MAD1L1: variants seen among roughly 807,000 people sequenced by gnomAD.
MAD1L1 encodes the protein mitotic arrest deficient 1 like 1, also known as mitotic spindle assembly checkpoint protein MAD1.
Under a neutral mutation model 96.9 loss-of-function variants are expected in MAD1L1, and 95 were observed. The ratio of observed to expected loss-of-function variants is 0.98; its 90% CI spans 0.83 to 1.16. MAD1L1 has a LOEUF of 1.16. Among genes scored for constraint, MAD1L1 ranks in the 50% most tolerant of loss-of-function variants. The probability of loss-of-function intolerance (pLI) is 0.00; values close to 1 mark genes in which losing one functional copy is unlikely to be tolerated. For missense variants in MAD1L1, 1,007 were observed against 954.4 expected (o/e 1.06, Z -0.73); for synonymous variants, 473 against 396.6 (o/e 1.19, Z -2.29).
At chr7:2,113,872 G>C (rs983540426) in intron 11 of MAD1L1, among the ~76,000 whole-genome samples, 1 of 152,172 alleles carries the variant, frequency 6.6e-6, no homozygotes, top group Non-Finnish European at 1.5e-5. Flanking sequence ...ACACCAGCCC[G>C]TGCTCTCGAA....
At chr7:2,083,463 C>T (rs1456869921) in intron 11 of MAD1L1, among the ~76,000 whole-genome samples, 19 of 152,190 alleles carry the variant, frequency 1.2e-4, no homozygotes, top group Admixed American at 1.2e-3. Context: ...TTACACAGCA[C>T]GGAGAGGAGG....
intron 18 of MAD1L1, among the ~76,000 whole-genome samples, chr7:1,821,033 A>G (rs1266414945): frequency 6.9e-6 from 1 of 144,516 alleles, no homozygotes. Context: ...GTGAGCCGAG[A>G]TCGTGCCACT....
chr7:1,852,000 A>C (rs1784003422), intron 18 of MAD1L1, among the ~76,000 whole-genome samples: 1 of 152,026 alleles, frequency 6.6e-6, no homozygotes, highest in African/African-American at 2.4e-5. Context: ...CGGCAACGAG[A>C]GGGGCTGGGA....
At chr7:2,106,959 G>T (rs746012307) in intron 11 of MAD1L1, among the ~76,000 whole-genome samples, 1 of 152,104 alleles carries the variant, frequency 6.6e-6, no homozygotes, top group Non-Finnish European at 1.5e-5. Context: ...CTAGAGGAGC[G>T]TAGTCTAGTG....
chr7:1,961,976 GT>G (rs763009481), intron 15 of MAD1L1, among the ~76,000 whole-genome samples: 1 of 151,988 alleles, frequency 6.6e-6, no homozygotes, highest in African/African-American at 2.4e-5. Context: ...TCACAGGGTG[GT>G]TTCCCCCATA....
chr7:1,864,222 C>A (rs952262639), intron 18 of MAD1L1, among the ~76,000 whole-genome samples: 1 of 152,192 alleles, frequency 6.6e-6, no homozygotes. Flanking sequence ...GCTTTCCTGG[C>A]CACTTGTGTT....
intron 12 of MAD1L1, among the ~76,000 whole-genome samples, chr7:2,061,232 G>A (rs1784647409): frequency 6.6e-6 from 1 of 152,228 alleles, no homozygotes; most frequent in South Asian, 2.1e-4. Flanking sequence ...AGCTACTCAT[G>A]AGGCTGAGGC....
chr7:1,897,325 C>T (rs1786942990), intron 18 of MAD1L1, among the ~76,000 whole-genome samples: 1 of 152,248 alleles, frequency 6.6e-6, no homozygotes. Flanking sequence ...CCGTTCCAGA[C>T]CACAGCAGTC....
intron 16 of MAD1L1, among the ~76,000 whole-genome samples, chr7:1,953,222 C>T (rs73290597): frequency 2.0e-5 from 3 of 152,288 alleles, no homozygotes; most frequent in East Asian, 1.9e-4. Flanking sequence ...GGGAGCAGAA[C>T]GGTCTCCGTG....
At chr7:1,919,191 T>C (rs1788618943) in intron 17 of MAD1L1, among the ~76,000 whole-genome samples, 1 of 152,046 alleles carries the variant, frequency 6.6e-6, no homozygotes, top group Non-Finnish European at 1.5e-5. Context: ...GTTTCTCAAA[T>C]GGGGAAGCTG....
chr7:2,201,734 AG>A (rs1792312940), intron 10 of MAD1L1: 1 of 152,260 alleles, frequency 6.6e-6, no homozygotes, highest in Admixed American at 6.5e-5. Flanking sequence ...AGGCACATGC[AG>A]GGGTGGAGCC....
intron 10 of MAD1L1, among the ~76,000 whole-genome samples, chr7:2,174,217 G>A (rs1387721528): frequency 1.3e-5 from 2 of 152,186 alleles, no homozygotes; most frequent in Non-Finnish European, 2.9e-5. Flanking sequence ...AGAATCAAAG[G>A]CTGAAAATTA....
At chr7:2,011,597 G>A (rs1782304494) in intron 13 of MAD1L1, among the ~76,000 whole-genome samples, 2 of 152,196 alleles carry the variant, frequency 1.3e-5, no homozygotes, top group South Asian at 4.1e-4. Flanking sequence ...GAGGCAGAAA[G>A]GCAGGGACAC....
intron 10 of MAD1L1, among the ~76,000 whole-genome samples, chr7:2,153,706 A>C (rs1319375982): frequency 6.6e-6 from 1 of 152,260 alleles, no homozygotes; most frequent in Admixed American, 6.5e-5. Context: ...CTGGGTATTT[A>C]CTCAAAGGAA....
In MAD1L1 at chr7:2,060,511, G is replaced by A. The variant is rs550452854; in HGVS notation, c.1218+8683C>T. 9.3e-4 allele frequency among the ~76,000 whole-genome samples: 141 copies of A among 152,004 alleles called. 1 individual carries two copies. Among genetic ancestry groups the A allele is most frequent in the African/African-American group, 3.0e-3 (126 of 41,370 alleles). On this transcript the variant is annotated intron_variant, in intron 12 of 18. Coordinates refer to ENST00000265854, the MANE Select transcript of MAD1L1 (RefSeq NM_001013836.2). ...GAGATAATGCCGAGACCGAGATAAC[G>A]CTAATGTCGAGATACGCTAATGCCA...
intron 15 of MAD1L1, among the ~76,000 whole-genome samples, chr7:1,969,817 C>A (rs980820510): frequency 7.2e-5 from 11 of 152,198 alleles, no homozygotes; most frequent in African/African-American, 2.7e-4. Flanking sequence ...CCCAAGGAGG[C>A]ATAAGATTTG....
At chr7:1,952,489 T>C (rs1562556724) in intron 16 of MAD1L1, among the ~76,000 whole-genome samples, 1 of 152,180 alleles carries the variant, frequency 6.6e-6, no homozygotes, top group Non-Finnish European at 1.5e-5. Flanking sequence ...ATCAGCTCGC[T>C]GTATGACTCC....
intron 17 of MAD1L1, among the ~76,000 whole-genome samples, chr7:1,927,041 C>T (rs1408821124): frequency 6.6e-6 from 1 of 152,090 alleles, no homozygotes; most frequent in African/African-American, 2.4e-5. Context: ...TCATGGGTTA[C>T]AAAGCCAGCA....
chr7:1,922,792 C>T (rs1285053868), intron 17 of MAD1L1, among the ~76,000 whole-genome samples: 1 of 152,198 alleles, frequency 6.6e-6, no homozygotes, highest in Admixed American at 6.5e-5. Context: ...TGGGGGTTCT[C>T]GGCTTCTCCT....
Sources: gnomAD v4.1 joint callset for allele counts (sites outside exome capture counted in the v4.1 genomes callset) on GRCh38, gnomAD v4.1.1 for gene constraint, MANE v1.5 for transcripts, NCBI Gene and HGNC (gene_info 2026-07-23, HGNC 2026-07-21) for gene names.